The following SPATS2 variants were observed in gnomAD, a reference collection of about 807,000 sequenced individuals.
The protein encoded by SPATS2 is spermatogenesis associated serine rich 2, also known as spermatogenesis-associated serine-rich protein 2.
Under a neutral mutation model 63.7 loss-of-function variants are expected in SPATS2, and 38 were observed. The ratio of observed to expected loss-of-function variants is 0.60; its 90% CI spans 0.46 to 0.78. SPATS2 has a LOEUF of 0.78. Ranked by LOEUF, SPATS2 falls within the 30% of genes least tolerant of loss-of-function variation. SPATS2 has a pLI of 0.00. For missense variants in SPATS2, 588 were observed against 666.2 expected (o/e 0.88, Z 1.29); for synonymous variants, 207 against 232.9 (o/e 0.89, Z 1.01).
rs771090408 is a variant in SPATS2 at position 49,496,033 on chromosome 12, C to T, written c.527-800C>T. ...AAACATTACTTGTTAATCCAGTTCC[C>T]CTGCCCTGCTGCTCCTGGCTTTAGA... On this transcript the variant is annotated intron_variant, in intron 7 of 13. Coordinates refer to ENST00000552918, the MANE Select transcript of SPATS2 (RefSeq NM_023071.4). Among the ~76,000 whole-genome samples the T allele has an allele frequency of 4.6e-5, 7 of 152,202 alleles. No individual in the cohort carries two copies. The South Asian group carries it at 6.2e-4, about 14-fold the overall frequency.
intron 2 of SPATS2, among the ~76,000 whole-genome samples, chr12:49,372,252 C>CCAGTGTAAT (rs1944011158): frequency 6.6e-6 from 1 of 152,082 alleles, no homozygotes. Context: ...GCCATTTTGG[C>CCAGTGTAAT]CAGTGTAATC....
intron 3 of SPATS2, among the ~76,000 whole-genome samples, chr12:49,468,143 C>A (rs1945960571): frequency 7.2e-6 from 1 of 138,618 alleles, no homozygotes; most frequent in South Asian, 2.3e-4. Flanking sequence ...TCACTCTTTT[C>A]TTTTCTTTCT....
intron 9 of SPATS2, among the ~76,000 whole-genome samples, chr12:49,511,153 A>G (rs1946746760): frequency 6.6e-6 from 1 of 152,070 alleles, no homozygotes; most frequent in Non-Finnish European, 1.5e-5. Context: ...ATGAGCCAAC[A>G]TCATGCTATT....
At chr12:49,455,981 C>A (rs1485573139) in intron 2 of SPATS2, among the ~76,000 whole-genome samples, 1 of 152,198 alleles carries the variant, frequency 6.6e-6, no homozygotes, top group Non-Finnish European at 1.5e-5. Flanking sequence ...TGTTCTTTTG[C>A]TTGCACCAAC....
chr12:49,445,890 G>T (rs1945501659), intron 2 of SPATS2, among the ~76,000 whole-genome samples: 1 of 151,744 alleles, frequency 6.6e-6, no homozygotes, highest in African/African-American at 2.4e-5. Flanking sequence ...GATCTGTAGT[G>T]TTTTTTTGGT....
At chr12:49,492,513 C>T (rs890106294) in intron 6 of SPATS2, among the ~76,000 whole-genome samples, 2 of 152,144 alleles carry the variant, frequency 1.3e-5, no homozygotes, top group Admixed American at 1.3e-4. Flanking sequence ...TGAGCCACTG[C>T]ACCCAGCTAA....
intron 2 of SPATS2, among the ~76,000 whole-genome samples, chr12:49,443,927 C>T (rs866407690): frequency 2.0e-5 from 3 of 152,168 alleles, no homozygotes; most frequent in African/African-American, 4.8e-5. Context: ...TGGAAGTCCT[C>T]CAAAATTTTC....
At chr12:49,511,732 A>C (rs1374335138) in intron 9 of SPATS2, among the ~76,000 whole-genome samples, 1 of 152,212 alleles carries the variant, frequency 6.6e-6, no homozygotes, top group African/African-American at 2.4e-5. Context: ...ACTTTAGCTT[A>C]AGTTTCTGTG....
Position 49,499,849 on chromosome 12 carries a change from T to C in SPATS2, c.704-221T>C, listed in dbSNP as rs567688662. ...TTGTCTTTGTATGTTTTTAGTTGTT[T>C]AAGATAGAAGAATAAATCCAATTAT... On this transcript the variant is annotated intron_variant, in intron 8 of 13. Transcript: ENST00000552918. Among the ~76,000 whole-genome samples the C allele has an allele frequency of 2.0e-4, 30 of 152,296 alleles. No individual in the cohort carries two copies. The South Asian group carries it at 4.6e-3, about 23-fold the overall frequency.
At chr12:49,424,536 C>A (rs1314383356) in intron 2 of SPATS2, among the ~76,000 whole-genome samples, 2 of 152,092 alleles carry the variant, frequency 1.3e-5, no homozygotes, top group Non-Finnish European at 2.9e-5. Context: ...TATTAGTTTG[C>A]CAAAAGTTAT....
chr12:49,422,918 A>C (rs1945008261), intron 2 of SPATS2, among the ~76,000 whole-genome samples: 1 of 152,076 alleles, frequency 6.6e-6, no homozygotes, highest in African/African-American at 2.4e-5. Flanking sequence ...TTTAAAAAAA[A>C]AAAAAAATTT....
intron 3 of SPATS2, among the ~76,000 whole-genome samples, chr12:49,465,439 C>T (rs560552067): frequency 6.6e-6 from 1 of 152,048 alleles, no homozygotes; most frequent in East Asian, 1.9e-4. Context: ...TTTGTACTTC[C>T]CTAATGACTA....
At chr12:49,467,189 C>T (rs1013667436) in intron 3 of SPATS2, among the ~76,000 whole-genome samples, 1 of 149,220 alleles carries the variant, frequency 6.7e-6, no homozygotes, top group Non-Finnish European at 1.5e-5. Context: ...GCTGGGACTA[C>T]AGGCCCACAC....
intron 8 of SPATS2, among the ~76,000 whole-genome samples, chr12:49,497,553 C>G (rs1946484666): frequency 6.6e-6 from 1 of 152,012 alleles, no homozygotes; most frequent in Non-Finnish European, 1.5e-5. Context: ...TGCCACCATG[C>G]CCGGCTATTT....
chr12:49,503,133 C>T (rs942075223), intron 9 of SPATS2, among the ~76,000 whole-genome samples: 4 of 152,032 alleles, frequency 2.6e-5, no homozygotes, highest in African/African-American at 9.7e-5. Flanking sequence ...GGGCAGATCA[C>T]AAGGTCAAGA....
intron 2 of SPATS2, among the ~76,000 whole-genome samples, chr12:49,375,379 A>G (rs1310620926): frequency 6.6e-6 from 1 of 152,168 alleles, no homozygotes; most frequent in East Asian, 1.9e-4. Context: ...ACCAATTTGT[A>G]AAAGCTGCAG....
chr12:49,513,608 A>C (rs886934831), intron 9 of SPATS2, among the ~76,000 whole-genome samples: 1 of 152,224 alleles, frequency 6.6e-6, no homozygotes, highest in Admixed American at 6.5e-5. Flanking sequence ...AGCCTACCAG[A>C]AATCTGTAAT....
rs71439501 is a variant in SPATS2, at chr12:49,498,132, C to CAAAAA, written c.703+1133_703+1137dup. Among the ~76,000 whole-genome samples, 4 of 117,344 alleles carry CAAAAA rather than the reference C, an allele frequency of 3.4e-5. 1 individual carries two copies. The highest frequency in any genetic ancestry group is 1.2e-4 in the African/African-American group (3 of 25,362). 77.0% of individuals were successfully genotyped at this position (117,344 alleles called of 152,430 possible). A position where few individuals can be genotyped will look rare whatever the true frequency, so the allele number is the denominator to read the frequency against. Reference sequence around the variant, plus strand: ...CAGGTTTGAGACTATCCAATCAAGCCAAAAAAAAAAAAAATATATATATAT... The same window carrying CAAAAA: ...CAGGTTTGAGACTATCCAATCAAGCCAAAAAAAAAAAAAAAAAAATATATATATAT... On this transcript the variant is annotated intron_variant, in intron 8 of 13. Coordinates refer to ENST00000552918, the MANE Select transcript of SPATS2 (RefSeq NM_023071.4).
chr12:49,506,012 A>G (rs556091378), intron 9 of SPATS2, among the ~76,000 whole-genome samples: 2 of 151,764 alleles, frequency 1.3e-5, no homozygotes, highest in African/African-American at 2.4e-5. Context: ...TACCCATACA[A>G]CCATTTTGTT....
Sources: allele counts gnomAD v4.1 joint callset (sites outside exome capture counted in the v4.1 genomes callset), GRCh38; gene constraint gnomAD v4.1.1; transcripts MANE v1.5; gene names NCBI Gene and HGNC (gene_info 2026-07-23, HGNC 2026-07-21).